Variants in PTPRO observed in about 807,000 individuals in gnomAD.
PTPRO encodes the protein protein tyrosine phosphatase receptor type O.
Under a neutral mutation model 145.2 loss-of-function variants are expected in PTPRO, and 62 were observed. That is an observed-to-expected ratio of 0.43 (90% confidence interval 0.35 to 0.53). The LOEUF is 0.53. Among genes scored for constraint, PTPRO ranks in the 20% least tolerant of loss-of-function variants. PTPRO has a pLI of 0.01. For missense variants in PTPRO, 1,345 were observed against 1,482.7 expected, an observed-to-expected ratio of 0.91 and a Z score of 1.53; for synonymous variants, 565 against 514.7, an observed-to-expected ratio of 1.10 and a Z score of -1.32.
At chr12:15,496,120 T>G (rs1457212263) in intron 2 of PTPRO, among the ~76,000 whole-genome samples, 1 of 150,614 alleles carries the variant, frequency 6.6e-6, no homozygotes, top group Admixed American at 6.7e-5. Context: ...TTTACTTATG[T>G]TCATTTTTCT....
intron 1 of PTPRO, among the ~76,000 whole-genome samples, chr12:15,370,058 A>T (rs1938480251): frequency 6.6e-6 from 1 of 152,196 alleles, no homozygotes; most frequent in South Asian, 2.1e-4. Context: ...TCTCAAAAAA[A>T]ATTTTAAAAA....
chr12:15,322,842 C>G lies in PTPRO; in HGVS notation c.75+41C>G. On this transcript the variant is annotated intron_variant, in intron 1 of 26. Coordinates refer to ENST00000281171, the MANE Select transcript of PTPRO (RefSeq NM_030667.3). This position sits in a 1 kb window ranked among gnomAD's most constrained non-coding sequence, Gnocchi z 6.3. ...CACCCCTTTTTCCCAGCGGTCCGGG[C>G]GGCAGCCGCGCTCCGGCGCCCTCGC... The G allele has an allele frequency of 1.3e-6, 2 of 1,585,734 alleles. No individual in the cohort carries two copies. Among genetic ancestry groups the G allele is most frequent in the Non-Finnish European group, 1.7e-6 (2 of 1,164,644 alleles).
chr12:15,594,160 CTTTT>C (rs909108485), intron 25 of PTPRO, among the ~76,000 whole-genome samples: 1 of 151,948 alleles, frequency 6.6e-6, no homozygotes, highest in African/African-American at 2.4e-5. Context: ...GTGTTTTATT[CTTTT>C]TAACTTTTTA....
intron 12 of PTPRO, among the ~76,000 whole-genome samples, chr12:15,533,185 T>C (rs1182844202): frequency 1.3e-5 from 2 of 152,208 alleles, no homozygotes; most frequent in Non-Finnish European, 2.9e-5. Context: ...ATGGACTATG[T>C]AAACCAGCTT....
intron 1 of PTPRO, chr12:15,439,809 T>G: frequency 1.6e-6 from 1 of 610,936 alleles, no homozygotes; most frequent in Non-Finnish European, 3.0e-6. Context: ...ATCATTGACT[T>G]TTTCTTGGGG....
intron 1 of PTPRO, among the ~76,000 whole-genome samples, chr12:15,347,560 T>C (rs1867266420): frequency 6.6e-6 from 1 of 152,202 alleles, no homozygotes; most frequent in Admixed American, 6.5e-5. Flanking sequence ...AGGGACCATG[T>C]TTAATTCACC....
At chr12:15,406,773 A>G (rs1257149584) in intron 1 of PTPRO, among the ~76,000 whole-genome samples, 1 of 152,224 alleles carries the variant, frequency 6.6e-6, no homozygotes, top group African/African-American at 2.4e-5. Context: ...TGAGGCTCAG[A>G]AAGGATCCTT....
In PTPRO at chr12:15,545,370, G is replaced by T. The variant is rs74656659; in HGVS notation, c.2165-1199G>T. On this transcript the variant is annotated intron_variant, in intron 12 of 26. Coordinates refer to ENST00000281171, the MANE Select transcript of PTPRO (RefSeq NM_030667.3). ...TATGTCCAAATAAGCAATGTCAGGG[G>T]GTCTGAGAGCAGGTAACAGGGACCC... Among the ~76,000 whole-genome samples the T allele has an allele frequency of 1.4e-3, 205 of 151,628 alleles. 2 individuals are homozygous for T. In the East Asian group the frequency reaches 0.038, roughly 28 times the overall value.
chr12:15,526,087 G>C, intron 11 of PTPRO, 55 bp from the exon 12 acceptor site: 1 of 1,610,248 alleles, frequency 6.2e-7, no homozygotes, highest in Non-Finnish European at 8.5e-7. Flanking sequence ...TGTTTGGGGT[G>C]GTGCACTGAT....
intron 13 of PTPRO, among the ~76,000 whole-genome samples, chr12:15,548,516 G>A (rs1172543492): frequency 6.9e-6 from 1 of 144,544 alleles, no homozygotes; most frequent in Non-Finnish European, 1.5e-5. Context: ...GTGTATATAT[G>A]TGTGTATATA....
chr12:15,355,269 A>G (rs1317351008), intron 1 of PTPRO, among the ~76,000 whole-genome samples: 2 of 152,196 alleles, frequency 1.3e-5, no homozygotes, highest in Non-Finnish European at 2.9e-5. Flanking sequence ...AGGACTAAAA[A>G]TAGTGATCAG....
At chr12:15,350,313 G>T (rs773376786) in intron 1 of PTPRO, among the ~76,000 whole-genome samples, 3 of 152,170 alleles carry the variant, frequency 2.0e-5, no homozygotes, top group African/African-American at 4.8e-5. Flanking sequence ...CCTGCTTGAT[G>T]AGGTCAGAAC....
At chr12:15,551,164 A>G (rs1261489435) in intron 14 of PTPRO, among the ~76,000 whole-genome samples, 1 of 152,218 alleles carries the variant, frequency 6.6e-6, no homozygotes, top group Non-Finnish European at 1.5e-5. Context: ...GCGTAAAATA[A>G]GAGGTTGCCA....
At chr12:15,477,377 G>A (rs1235493355) in intron 1 of PTPRO, among the ~76,000 whole-genome samples, 1 of 143,714 alleles carries the variant, frequency 7.0e-6, no homozygotes, top group Non-Finnish European at 1.5e-5. Context: ...GGGAGGGATA[G>A]CATTGGGAGA....
At chr12:15,326,327 C>G (rs750087240) in intron 1 of PTPRO, among the ~76,000 whole-genome samples, 2 of 152,168 alleles carry the variant, frequency 1.3e-5, no homozygotes, top group African/African-American at 4.8e-5. Flanking sequence ...TTTGGAGAAA[C>G]CTTTTTACAT....
intron 1 of PTPRO, among the ~76,000 whole-genome samples, chr12:15,464,006 T>C (rs561112600): frequency 9.8e-5 from 15 of 152,304 alleles, no homozygotes; most frequent in African/African-American, 3.6e-4. Flanking sequence ...TATACTGTGA[T>C]AGATGATAGG....
At chr12:15,361,320 T>A (rs1938200238) in intron 1 of PTPRO, among the ~76,000 whole-genome samples, 1 of 150,562 alleles carries the variant, frequency 6.6e-6, no homozygotes, top group African/African-American at 2.4e-5. Context: ...ATGCCTGTAA[T>A]CTCAACTACT....
intron 22 of PTPRO, 138 bp downstream of exon 22, chr12:15,580,969 G>A: frequency 8.1e-7 from 1 of 1,230,860 alleles, no homozygotes; most frequent in Non-Finnish European, 1.2e-6. Context: ...TATTCGGGAA[G>A]CAAGAATTAG....
At chr12:15,583,991 C>G (rs573003187) in intron 23 of PTPRO, among the ~76,000 whole-genome samples, 1 of 152,308 alleles carries the variant, frequency 6.6e-6, no homozygotes, top group South Asian at 2.1e-4. Flanking sequence ...CACGTTTTTA[C>G]TCAAATGCAG....
Sources: allele counts gnomAD v4.1 joint callset (sites outside exome capture counted in the v4.1 genomes callset), GRCh38; gene constraint gnomAD v4.1.1; non-coding constraint Gnocchi (gnomAD v3.1); transcripts MANE v1.5; gene names NCBI Gene and HGNC (gene_info 2026-07-23, HGNC 2026-07-21).